RBM26: variants seen among roughly 807,000 people sequenced by gnomAD.
The protein encoded by RBM26 is RNA-binding protein 26.
Under a neutral mutation model 123.6 loss-of-function variants are expected in RBM26, and 30 were observed. That is an observed-to-expected ratio of 0.24 (90% CI 0.18 to 0.33). The LOEUF (loss-of-function observed/expected upper bound fraction) is 0.33. Among genes scored for constraint, RBM26 ranks in the 10% least tolerant of loss-of-function variants. RBM26 has a pLI of 1.00. For missense variants in RBM26, 947 were observed against 1,203.6 expected, an observed-to-expected ratio of 0.79 and a Z score of 3.15; for synonymous variants, 400 against 404.4, an observed-to-expected ratio of 0.99 and a Z score of 0.13.
chr13:79,334,510 A>G, intron 19 of RBM26, 80 bp from the exon 20 acceptor site: 1 of 697,806 alleles, frequency 1.4e-6, no homozygotes, highest in Admixed American at 3.0e-5. Context: ...AAAAAACATT[A>G]AAATACTAAT....
rs1303363092 is a variant in RBM26, at chr13:79,355,366, G to A, written c.1708C>T (p.Pro570Ser). The change falls in exon 12 of 22, where the codon CCT becomes TCT. Residue 570 changes from proline to serine, a missense_variant. This residue lies in a region of RBM26 where 493 missense variants were observed against 563.1 expected (regional missense o/e 0.88). Coordinates refer to ENST00000438737, the MANE Select transcript of RBM26 (RefSeq NM_001366735.2). Reference protein sequence around the residue: ...VNLQVAYNGDPEGALIQFATY... With the variant: ...VNLQVAYNGDSEGALIQFATY... The stretch of plus-strand genomic sequence containing the variant: ...GCAAATTGGATTAGGGCACCTTCAG[G>A]ATCACCATTATAAGCAACCTAAGAT... 9 of 1,613,334 alleles carry A rather than the reference G, an allele frequency of 5.6e-6. No homozygotes were observed. The highest frequency in any genetic ancestry group is 7.6e-6 in the Non-Finnish European group (9 of 1,179,550).
At position 79,319,247 on chromosome 13, in the gene RBM26, G is replaced by C. The variant is rs2067422183; in HGVS notation, c.*1374C>G. The stretch of plus-strand genomic sequence containing the variant: ...TGATTGTGAGGACCCCAATATGGAA[G>C]AAAGTAATTTTTTAAATGTGATTTT... On this transcript the variant is annotated 3_prime_UTR_variant, in exon 22 of 22. Coordinates refer to ENST00000438737, the MANE Select transcript of RBM26 (RefSeq NM_001366735.2). 1 of 983,954 alleles carries C rather than the reference G, an allele frequency of 1.0e-6. No homozygotes were observed. The highest frequency in any genetic ancestry group is 1.7e-5 in the African/African-American group (1 of 57,228). 61.0% of individuals were successfully genotyped at this position (983,954 alleles called of 1,614,324 possible). A position where few individuals can be genotyped will look rare whatever the true frequency, so the allele number is the denominator to read the frequency against.
intron 1 of RBM26, among the ~76,000 whole-genome samples, chr13:79,401,537 G>T (rs376823648): frequency 6.6e-6 from 1 of 152,140 alleles, no homozygotes; most frequent in African/African-American, 2.4e-5. Context: ...CATAAAACTT[G>T]TAAGTACAAT....
rs72305160 is a variant in RBM26 at position 79,356,369 on chromosome 13, CA to C, written c.1690-986del. The stretch of plus-strand genomic sequence containing the variant: ...CAGTGACAAGAGTGAGACTCTGTCT[CA>C]AAAAAAAAAAAAAACAAACAAAAAA... On this transcript the variant is annotated intron_variant, in intron 11 of 21. Transcript: ENST00000438737. 4.9e-3 allele frequency among the ~76,000 whole-genome samples: 408 copies of C among 83,444 alleles called. 5 individuals carry two copies. The highest frequency in any genetic ancestry group is 0.019 in the African/African-American group (373 of 19,748). The allele number at this position is 83,444 out of a possible 152,430, so 54.7% of individuals were successfully genotyped here.
At chr13:79,384,244 GTTTT>G (rs5805028) in intron 1 of RBM26, among the ~76,000 whole-genome samples, 53 of 133,952 alleles carry the variant, frequency 4.0e-4, no homozygotes, top group Non-Finnish European at 2.6e-4. Flanking sequence ...AGCTAATAAA[GTTTT>G]TTTTTTTTTT....
intron 1 of RBM26, among the ~76,000 whole-genome samples, chr13:79,399,114 G>A (rs906618002): frequency 6.6e-6 from 1 of 152,202 alleles, no homozygotes; most frequent in Non-Finnish European, 1.5e-5. Flanking sequence ...AGAGAGAGGA[G>A]TCATGGTGGG....
intron 1 of RBM26, among the ~76,000 whole-genome samples, chr13:79,390,499 T>C (rs1399687163): frequency 1.3e-5 from 2 of 152,150 alleles, no homozygotes; most frequent in Non-Finnish European, 2.9e-5. Context: ...AATGTTATCT[T>C]AACAGGTGAC....
chr13:79,346,042 C>G (rs1446787960), intron 14 of RBM26, among the ~76,000 whole-genome samples: 2 of 152,048 alleles, frequency 1.3e-5, no homozygotes, highest in Non-Finnish European at 2.9e-5. Context: ...ACATTGTTTT[C>G]TCAAGTCATT....
chr13:79,354,663 GA>G (rs2073753767), intron 12 of RBM26, 93 bp from the exon 13 acceptor site: 1 of 1,199,122 alleles, frequency 8.3e-7, no homozygotes, highest in African/African-American at 1.5e-5. Flanking sequence ...CCCATGCAGA[GA>G]AAGTTTTTAA....
chr13:79,368,748 G>A lies in RBM26; in HGVS notation c.877C>T (p.Arg293Trp). 6.2e-7 allele frequency: 1 copy of A among 1,613,708 alleles called. No individual in the cohort carries two copies. The highest frequency in any genetic ancestry group is 8.5e-7 in the Non-Finnish European group (1 of 1,179,748). ...GACTTACCATCATAGTCTCTACACCGTTTCTTTGGCATGGGTGGTCTTACG... is the reference window on the plus strand; with the variant it reads ...GACTTACCATCATAGTCTCTACACCATTTCTTTGGCATGGGTGGTCTTACG... ...SYVRPPMPKK[R>W]CRDYDEKGFC... Residue 293 changes from arginine (R) to tryptophan (W), a missense_variant, in exon 6 of 22, where the codon CGG becomes TGG. Coordinates refer to ENST00000438737, the MANE Select transcript of RBM26 (RefSeq NM_001366735.2).
chr13:79,381,201 C>T (rs949747302), intron 1 of RBM26, among the ~76,000 whole-genome samples: 1 of 152,006 alleles, frequency 6.6e-6, no homozygotes, highest in African/African-American at 2.4e-5. Context: ...CCCAAGACTA[C>T]ACAGCAAGGA....
At chr13:79,399,467 A>G (rs1173788901) in intron 1 of RBM26, among the ~76,000 whole-genome samples, 1 of 152,216 alleles carries the variant, frequency 6.6e-6, no homozygotes, top group Admixed American at 6.5e-5. Flanking sequence ...AAAAAAAATG[A>G]CAGTGAATCA....
intron 12 of RBM26, 63 bp from the exon 13 acceptor site, chr13:79,354,633 G>C (rs1566420788): frequency 2.1e-6 from 3 of 1,419,014 alleles, no homozygotes; most frequent in Non-Finnish European, 2.8e-6. Flanking sequence ...AGTGACCTGT[G>C]TTATTTTGTT....
At chr13:79,364,416 T>C (rs1160644674) in intron 9 of RBM26, among the ~76,000 whole-genome samples, 1 of 152,206 alleles carries the variant, frequency 6.6e-6, no homozygotes, top group African/African-American at 2.4e-5. Context: ...AAGACTTTTA[T>C]TCACAACTGA....
At chr13:79,313,840 G>T (rs1162944940) in exon 5 of RBM26, 2 of 140,994 alleles carry the variant, frequency 1.4e-5, no homozygotes, top group African/African-American at 5.2e-5. Context: ...TACTCAAGGG[G>T]AAAAAAAGTT....
At chr13:79,388,442 C>A (rs2077668327) in intron 1 of RBM26, among the ~76,000 whole-genome samples, 1 of 152,162 alleles carries the variant, frequency 6.6e-6, no homozygotes, top group Admixed American at 6.5e-5. Context: ...CCTGTTTTAA[C>A]CTTCCCCACA....
chr13:79,355,196 C>CTT, intron 12 of RBM26, 24 bp downstream of exon 12: 1 of 1,610,004 alleles, frequency 6.2e-7, no homozygotes, highest in South Asian at 1.1e-5. Flanking sequence ...AATGCGCGTA[C>CTT]TTTTACACAA....
chr13:79,312,825 G>C (rs1318666544), exon 5 of RBM26: 1 of 151,750 alleles, frequency 6.6e-6, no homozygotes, highest in East Asian at 1.9e-4. Context: ...AAATCACAAG[G>C]AATCAGATTA....
chr13:79,371,170 AAT>A lies in RBM26; in HGVS notation c.417-10_417-9del. 2 of 1,605,590 alleles carry A rather than the reference AAT, an allele frequency of 1.2e-6. No individual in the cohort carries two copies. Among genetic ancestry groups the A allele is most frequent in the Non-Finnish European group, 8.5e-7 (1 of 1,173,290 alleles). Reference sequence around the variant, plus strand: ...TTCCTCTCATCACGGCTTCTAAAGAAATATGTGATCACTTTAATACAAATAAT... The same window carrying A: ...TTCCTCTCATCACGGCTTCTAAAGAAATGTGATCACTTTAATACAAATAAT... On this transcript the variant is annotated splice_polypyrimidine_tract_variant and intron_variant, in intron 4 of 21. Coordinates refer to ENST00000438737, the MANE Select transcript of RBM26 (RefSeq NM_001366735.2).
Sources: allele counts gnomAD v4.1 joint callset (sites outside exome capture counted in the v4.1 genomes callset), GRCh38; gene constraint gnomAD v4.1.1; regional missense constraint gnomAD v4.1.1; transcripts MANE v1.5; gene names NCBI Gene and HGNC (gene_info 2026-07-23, HGNC 2026-07-21).